Variants in ZNF445 observed in about 807,000 individuals in gnomAD.
ZNF445 encodes the protein zinc finger protein 168.
A neutral mutation model predicts 93.9 loss-of-function variants in ZNF445; 19 were observed. The ratio of observed to expected loss-of-function variants is 0.20; its 90% CI spans 0.14 to 0.30. The LOEUF (loss-of-function observed/expected upper bound fraction) is 0.30. Among genes scored for constraint, ZNF445 ranks in the 10% least tolerant of loss-of-function variants. The pLI is 1.00. For missense variants in ZNF445, 1,058 were observed against 1,259.4 expected (o/e 0.84, Z 2.42); for synonymous variants, 449 against 446.3 (o/e 1.01, Z -0.08).
rs9810689 is a variant in ZNF445, at chr3:44,465,344, A to G, written c.-268-6980T>C. ...AAAACTGAAGGTTTAAGCAAAGTCAAAAGGGTTTGTAAAGGGTTGATCTTG... is the reference window on the plus strand; with the variant it reads ...AAAACTGAAGGTTTAAGCAAAGTCAGAAGGGTTTGTAAAGGGTTGATCTTG... On this transcript the variant is annotated intron_variant, in intron 1 of 7. Coordinates refer to ENST00000396077, the MANE Select transcript of ZNF445 (RefSeq NM_181489.6). Among the ~76,000 whole-genome samples, 412 of 152,314 alleles carry G rather than the reference A, an allele frequency of 2.7e-3. 3 individuals are homozygous for G. Among genetic ancestry groups the G allele is most frequent in the African/African-American group, 9.7e-3 (404 of 41,564 alleles).
In ZNF445 at chr3:44,449,570, A is replaced by G; in HGVS notation, c.874T>C (p.Trp292Arg). The G allele has an allele frequency of 6.2e-7, 1 of 1,614,158 alleles. No homozygotes were observed. Among genetic ancestry groups the G allele is most frequent in the South Asian group, 1.1e-5 (1 of 91,078 alleles). The change falls in exon 7 of 8, where the codon TGG becomes CGG. Residue 292 changes from tryptophan to arginine, a missense_variant. Physicochemically the swap from Trp to Arg is moderately radical, Grantham distance 101. Coordinates refer to ENST00000396077, the MANE Select transcript of ZNF445 (RefSeq NM_181489.6). Reference sequence around the variant, plus strand: ...TGAGCTGCCTGCATGTTCAGGCCCCATGGCTCCCTTGCTTCCAACCAGGAG... The same window carrying G: ...TGAGCTGCCTGCATGTTCAGGCCCCGTGGCTCCCTTGCTTCCAACCAGGAG... ...LISWLEAREP[W>R]GLNMQAAQPK... is the part of the protein sequence containing the mutation.
In ZNF445 at chr3:44,440,139, T is replaced by C. The variant is rs1697782095; in HGVS notation, c.*6436A>G. The C allele has an allele frequency of 6.6e-6, 1 of 152,248 alleles. No homozygotes were observed. The highest frequency in any genetic ancestry group is 1.5e-5 in the Non-Finnish European group (1 of 68,040). The allele number at this position is 152,248 out of a possible 1,614,324, so 9.4% of individuals were successfully genotyped here. ...ACACCTTGGCATTTTCTTCTTGCCTTTTTAGCTACTTAAATATAGTACACT... is the reference window on the plus strand; with the variant it reads ...ACACCTTGGCATTTTCTTCTTGCCTCTTTAGCTACTTAAATATAGTACACT... On this transcript the variant is annotated 3_prime_UTR_variant, in exon 8 of 8. Transcript: ENST00000396077.
chr3:44,453,417 C>A (rs1260577484), intron 3 of ZNF445, among the ~76,000 whole-genome samples: 7 of 151,986 alleles, frequency 4.6e-5, no homozygotes, highest in African/African-American at 1.7e-4. Context: ...GCCTCAGCCT[C>A]CTGAGTAGCT....
In ZNF445 at chr3:44,443,743, G is replaced by T. The variant is rs1196024604; in HGVS notation, c.*2832C>A. 1 of 149,104 alleles carries T rather than the reference G, an allele frequency of 6.7e-6. No homozygotes were observed. Among genetic ancestry groups the T allele is most frequent in the Non-Finnish European group, 1.5e-5 (1 of 67,524 alleles). 9.2% of individuals were successfully genotyped at this position (149,104 alleles called of 1,614,324 possible). Reference sequence around the variant, plus strand: ...TGCACTCTAGCCTGGGTAACAGAGTGAGACTCCGTATCAAAAAAAAAAAAA... The same window carrying T: ...TGCACTCTAGCCTGGGTAACAGAGTTAGACTCCGTATCAAAAAAAAAAAAA... On this transcript the variant is annotated 3_prime_UTR_variant, in exon 8 of 8. Coordinates refer to ENST00000396077, the MANE Select transcript of ZNF445 (RefSeq NM_181489.6).
In ZNF445 at chr3:44,447,714, A is replaced by T. The variant is rs1247455251; in HGVS notation, c.1957T>A (p.Tyr653Asn). The stretch of plus-strand genomic sequence containing the variant: ...CCTTCACGACATTCATCTTGTTTGT[A>T]GAATTTTTCCTCCTCATGCAACCTC... The part of the protein sequence containing the change: ...HMRLHEEEKF[Y>N]KQDECREGFR... The change falls in exon 8 of 8, where the codon TAC becomes AAC. Residue 653 changes from tyrosine (Y) to asparagine (N), a missense_variant. By Grantham distance (143) the Tyr-to-Asn change is moderately radical. Coordinates refer to ENST00000396077, the MANE Select transcript of ZNF445 (RefSeq NM_181489.6). The surrounding 1 kb of genome is among the most constrained non-coding windows in gnomAD (Gnocchi z 4.7). 1.2e-6 allele frequency: 2 copies of T among 1,614,200 alleles called. No homozygotes were observed. The highest frequency in any genetic ancestry group is 1.1e-5 in the South Asian group (1 of 91,084).
chr3:44,433,749 A>ACAGG lies in ZNF445; in HGVS notation c.*12822_*12825dup, dbSNP rs1697612358. The ACAGG allele has an allele frequency of 6.6e-6, 1 of 152,228 alleles. No individual in the cohort carries two copies. Among genetic ancestry groups the ACAGG allele is most frequent in the South Asian group, 2.1e-4 (1 of 4,830 alleles). The allele number at this position is 152,228 out of a possible 1,614,324, so 9.4% of individuals were successfully genotyped here. On this transcript the variant is annotated 3_prime_UTR_variant, in exon 8 of 8. Coordinates refer to ENST00000396077, the MANE Select transcript of ZNF445 (RefSeq NM_181489.6). ...ATCTCCATCAGGCAGGACTGGCTTCACAGGCAGGCAGCCTGGGCAGCCCTG... is the reference window on the plus strand; with the variant it reads ...ATCTCCATCAGGCAGGACTGGCTTCACAGGCAGGCAGGCAGCCTGGGCAGCCCTG...
At position 44,447,507 on chromosome 3, in the gene ZNF445, A is replaced by C; in HGVS notation, c.2164T>G (p.Ser722Ala). 6.2e-7 allele frequency: 1 copy of C among 1,614,052 alleles called. No homozygotes were observed. ...SDCGKDFAYR[S>A]AFIVHKKKHA... is the part of the protein sequence containing the mutation. ...TTCTTCTTATGAACAATAAAGGCTGACCTATAGGCAAAGTCCTTCCCACAA... is the reference window on the plus strand; with the variant it reads ...TTCTTCTTATGAACAATAAAGGCTGCCCTATAGGCAAAGTCCTTCCCACAA... The change falls in exon 8 of 8, where the codon TCA becomes GCA. Residue 722 changes from serine (S) to alanine (A), a missense_variant. Coordinates refer to ENST00000396077, the MANE Select transcript of ZNF445 (RefSeq NM_181489.6). This position sits in a 1 kb window ranked among gnomAD's most constrained non-coding sequence, Gnocchi z 4.7.
rs1331562743 is a variant in ZNF445, at chr3:44,447,593, T to C, written c.2078A>G (p.Lys693Arg). Residue 693 changes from lysine to arginine, a missense_variant, in exon 8 of 8, where the codon AAG (lysine) becomes AGG (arginine). Lys to Arg is a conservative substitution (Grantham distance 26, BLOSUM62 2). This residue lies in a region of ZNF445 where 387 missense variants were observed against 475.7 expected (regional missense o/e 0.81). Transcript: ENST00000396077. This position sits in a 1 kb window ranked among gnomAD's most constrained non-coding sequence, Gnocchi z 4.7. ...CQQCGKTFTR[K>R]KTLVDHQRIH... ...TCTCTGGTGGTCAACGAGAGTTTTC[T>C]TTCTAGTAAAAGTTTTCCCACACTG... is the stretch of plus-strand genomic sequence containing the variant. 3.7e-6 allele frequency: 6 copies of C among 1,614,202 alleles called. No individual in the cohort carries two copies. Among genetic ancestry groups the C allele is most frequent in the Non-Finnish European group, 4.2e-6 (5 of 1,180,024 alleles).
intron 1 of ZNF445, among the ~76,000 whole-genome samples, chr3:44,474,188 T>C (rs1401036835): frequency 6.6e-6 from 1 of 152,126 alleles, no homozygotes; most frequent in African/African-American, 2.4e-5. Context: ...GACAGAAAAC[T>C]TGAGATGCAA....
At chr3:44,458,082 T>G (rs113897422) in intron 2 of ZNF445, among the ~76,000 whole-genome samples, 162 bp downstream of exon 2, 57 of 139,788 alleles carry the variant, frequency 4.1e-4, no homozygotes, top group African/African-American at 1.5e-3. Flanking sequence ...TAGAAAACAA[T>G]CCAGGAGGCT....
At chr3:44,459,410 G>C (rs969417363) in intron 1 of ZNF445, among the ~76,000 whole-genome samples, 2 of 152,236 alleles carry the variant, frequency 1.3e-5, no homozygotes, top group African/African-American at 4.8e-5. Flanking sequence ...TCTTAAGTAT[G>C]GAAAGACAAA....
chr3:44,475,022 G>A (rs1198549224), intron 1 of ZNF445, among the ~76,000 whole-genome samples: 2 of 151,956 alleles, frequency 1.3e-5, no homozygotes, highest in East Asian at 1.9e-4. Context: ...TGTTCAAAGG[G>A]GATGGGGCGG....
In ZNF445 at chr3:44,436,947, G is replaced by C. The variant is rs1697693111; in HGVS notation, c.*9628C>G. ...GTTCCCAATCCAGACCCCAAGAGAG[G>C]GTTCTTGGATCTCGCACAAGAAAGA... On this transcript the variant is annotated 3_prime_UTR_variant, in exon 8 of 8. Transcript: ENST00000396077. 1 of 152,212 alleles carries C rather than the reference G, an allele frequency of 6.6e-6. No individual in the cohort carries two copies. The highest frequency in any genetic ancestry group is 2.4e-5 in the African/African-American group (1 of 41,440). The allele number at this position is 152,212 out of a possible 1,614,324, so 9.4% of individuals were successfully genotyped here.
Position 44,439,396 on chromosome 3 carries a change from T to TA in ZNF445, c.*7178dup, listed in dbSNP as rs982256992. 1.3e-4 allele frequency: 19 copies of TA among 149,598 alleles called. No individual in the cohort carries two copies. The highest frequency in any genetic ancestry group is 2.4e-4 in the Non-Finnish European group (16 of 67,596). The allele number at this position is 149,598 out of a possible 1,614,324, so 9.3% of individuals were successfully genotyped here. ...AACGTCAGCGGACTTTTGGAAGACA[T>TA]ATACCTCAGGGAAGGCCATTACATG... On this transcript the variant is annotated 3_prime_UTR_variant, in exon 8 of 8. Coordinates refer to ENST00000396077, the MANE Select transcript of ZNF445 (RefSeq NM_181489.6).
At chr3:44,452,769 C>T (rs1307900541) in intron 3 of ZNF445, among the ~76,000 whole-genome samples, 1 of 152,016 alleles carries the variant, frequency 6.6e-6, no homozygotes, top group African/African-American at 2.4e-5. Flanking sequence ...AATAGTACCC[C>T]ATGTTGTGCA....
rs1697746227 is a variant in ZNF445, at chr3:44,438,866, T to G, written c.*7709A>C. ...GAACATCACACTCTGGGGACTGTTG[T>G]GGGGTGGGGGGAGGGGGGGAGGGAT... On this transcript the variant is annotated 3_prime_UTR_variant, in exon 8 of 8. Transcript: ENST00000396077. 1.2e-3 allele frequency: 2 copies of G among 1,660 alleles called. No individual in the cohort carries two copies. Among genetic ancestry groups the G allele is most frequent in the South Asian group, 0.025 (1 of 40 alleles). The allele number at this position is 1,660 out of a possible 1,614,324, so 0.1% of individuals were successfully genotyped here. A position where few individuals can be genotyped will look rare whatever the true frequency, so the allele number is the denominator to read the frequency against.
intron 3 of ZNF445, among the ~76,000 whole-genome samples, chr3:44,453,366 C>T (rs1697982738): frequency 6.6e-6 from 1 of 151,766 alleles, no homozygotes. Context: ...GAAATCTCAG[C>T]TCACTGCAGC....
chr3:44,434,210 C>A lies in ZNF445; in HGVS notation c.*12365G>T, dbSNP rs1697625162. On this transcript the variant is annotated 3_prime_UTR_variant, in exon 8 of 8. Coordinates refer to ENST00000396077, the MANE Select transcript of ZNF445 (RefSeq NM_181489.6). ...GGCAGATCACTTGAGGTCAAGAGTT[C>A]AAGACCAAGCTGGCTAACATGGTGA... The A allele has an allele frequency of 7.0e-6, 1 of 141,930 alleles. No individual in the cohort carries two copies. Among genetic ancestry groups the A allele is most frequent in the Non-Finnish European group, 1.5e-5 (1 of 65,818 alleles). The allele number at this position is 141,930 out of a possible 1,614,324, so 8.8% of individuals were successfully genotyped here.
Position 44,448,280 on chromosome 3 carries a change from T to C in ZNF445, c.1391A>G (p.Lys464Arg). ...GTGATGAGAGCTAAGGCTGAAGTCT[T>C]TTCCACACACGTCCTTTTTGTTCCC... ...LKGNKKDVCG[K>R]DFSLSSHHQR... The change falls in exon 8 of 8, where the codon AAA becomes AGA. Residue 464 changes from lysine to arginine, a missense_variant. Lys to Arg is a conservative substitution (Grantham distance 26, BLOSUM62 2). Around this residue, in one of 3 missense-constraint regions of ZNF445, gnomAD observed 657 missense variants for 746.4 expected, o/e 0.88. Coordinates refer to ENST00000396077, the MANE Select transcript of ZNF445 (RefSeq NM_181489.6). The C allele has an allele frequency of 6.2e-7, 1 of 1,614,194 alleles. No homozygotes were observed. The highest frequency in any genetic ancestry group is 8.5e-7 in the Non-Finnish European group (1 of 1,180,036).
Sources: allele counts gnomAD v4.1 joint callset (sites outside exome capture counted in the v4.1 genomes callset), GRCh38; gene constraint gnomAD v4.1.1; regional missense constraint gnomAD v4.1.1; non-coding constraint Gnocchi (gnomAD v3.1); transcripts MANE v1.5; gene names NCBI Gene and HGNC (gene_info 2026-07-23, HGNC 2026-07-21).